The following WASF3 variants were observed in gnomAD, a reference collection of about 807,000 sequenced individuals.
The protein encoded by WASF3 is actin-binding protein WASF3.
WASF3 carries 11 observed loss-of-function variants against 46.6 expected under a neutral mutation model. The ratio of observed to expected loss-of-function variants is 0.24; its 90% confidence interval spans 0.15 to 0.39. WASF3 has a LOEUF of 0.39. Among genes scored for constraint, WASF3 ranks in the 10% least tolerant of loss-of-function variants. WASF3 has a pLI of 1.00. For synonymous variants in WASF3, 242 were observed against 259.7 expected, an observed-to-expected ratio of 0.93 and a Z score of 0.65; for missense variants, 576 against 669.8, an observed-to-expected ratio of 0.86 and a Z score of 1.55.
chr13:26,586,916 A>G (rs1422344405), intron 1 of WASF3, among the ~76,000 whole-genome samples: 1 of 151,948 alleles, frequency 6.6e-6, no homozygotes, highest in Non-Finnish European at 1.5e-5. Flanking sequence ...AGTCTGGTCA[A>G]CATGGCGAAA....
chr13:26,625,720 A>G (rs1320737852), intron 2 of WASF3, among the ~76,000 whole-genome samples: 16 of 152,222 alleles, frequency 1.1e-4, no homozygotes, highest in Admixed American at 1.0e-3. Context: ...ATAATGTTTC[A>G]GCAGCTCTGG....
chr13:26,649,899 GTC>G (rs1378413500), intron 3 of WASF3, among the ~76,000 whole-genome samples: 1 of 151,390 alleles, frequency 6.6e-6, no homozygotes, highest in Non-Finnish European at 1.5e-5. Context: ...GTGAAACCCC[GTC>G]TCTCTAAAAA....
At chr13:26,584,414 G>C (rs756651942) in intron 1 of WASF3, among the ~76,000 whole-genome samples, 23 of 152,204 alleles carry the variant, frequency 1.5e-4, no homozygotes, top group Non-Finnish European at 2.9e-4. Context: ...GCTATGCAGT[G>C]AACACAATTT....
chr13:26,659,113 T>C (rs1435397884), intron 3 of WASF3, among the ~76,000 whole-genome samples: 3 of 152,130 alleles, frequency 2.0e-5, no homozygotes, highest in Admixed American at 6.5e-5. Context: ...AGAGCAGGGA[T>C]AAGAGGGGTG....
chr13:26,611,440 G>A (rs1566050417), intron 1 of WASF3, among the ~76,000 whole-genome samples: 1 of 152,182 alleles, frequency 6.6e-6, no homozygotes, highest in East Asian at 1.9e-4. Context: ...CAAAGGAAGA[G>A]TTAACACGTG....
At position 26,645,179 on chromosome 13, in the gene WASF3, G is replaced by A. The variant is rs549130819; in HGVS notation, c.133+2776G>A. 3.9e-5 allele frequency among the ~76,000 whole-genome samples: 6 copies of A among 152,288 alleles called. No individual in the cohort carries two copies. In the South Asian group the frequency reaches 1.2e-3, roughly 32 times the overall value. ...GAGCTAGGATTTTGGGGAAGTAAGA[G>A]GTCATGAGGTGGAGTCCTCATCAAT... On this transcript the variant is annotated intron_variant, in intron 3 of 9. Coordinates refer to ENST00000335327, the MANE Select transcript of WASF3 (RefSeq NM_006646.6).
chr13:26,646,321 ATCAT>A (rs902218484), intron 3 of WASF3, among the ~76,000 whole-genome samples: 3 of 152,224 alleles, frequency 2.0e-5, no homozygotes, highest in Non-Finnish European at 2.9e-5. Flanking sequence ...AAATTTTGTA[ATCAT>A]TCATCAGGTA....
chr13:26,663,079 T>A (rs1199920431), intron 3 of WASF3, among the ~76,000 whole-genome samples: 2 of 152,100 alleles, frequency 1.3e-5, no homozygotes, highest in Non-Finnish European at 2.9e-5. Context: ...TGGGGCAAGA[T>A]GGCGGTGGGT....
At chr13:26,676,772 G>A in intron 7 of WASF3, 48 bp downstream of exon 7, 1 of 1,534,036 alleles carries the variant, frequency 6.5e-7, no homozygotes, top group Non-Finnish European at 8.8e-7. Flanking sequence ...GGGCAACTGG[G>A]TACTACCTGG....
At chr13:26,658,565 C>G (rs1882533927) in intron 3 of WASF3, among the ~76,000 whole-genome samples, 1 of 152,228 alleles carries the variant, frequency 6.6e-6, no homozygotes, top group Non-Finnish European at 1.5e-5. Flanking sequence ...CATGTTTAAT[C>G]CTTCTAGCTC....
chr13:26,539,985 TG>T, the WASF3 span, among the ~76,000 whole-genome samples: 4 of 152,190 alleles, frequency 2.6e-5, no homozygotes, highest in South Asian at 8.3e-4. Flanking sequence ...ACAGAGTGTC[TG>T]GGGGGTGTGA....
In WASF3 at chr13:26,560,736, G is replaced by A. The variant is rs574407894; in HGVS notation, c.-109+2917G>A. 1.4e-4 allele frequency among the ~76,000 whole-genome samples: 21 copies of A among 152,310 alleles called. No homozygotes were observed. The South Asian group carries it at 4.2e-3, about 30-fold the overall frequency. Reference sequence around the variant, plus strand: ...TGCTTTATTCATTCAGTACACTTCAGAGTTTTAATATGTGCCGGGGATACA... The same window carrying A: ...TGCTTTATTCATTCAGTACACTTCAAAGTTTTAATATGTGCCGGGGATACA... On this transcript the variant is annotated intron_variant, in intron 1 of 9. Coordinates refer to ENST00000335327, the MANE Select transcript of WASF3 (RefSeq NM_006646.6).
chr13:26,604,065 T>C (rs951558107), intron 1 of WASF3, among the ~76,000 whole-genome samples: 1 of 151,942 alleles, frequency 6.6e-6, no homozygotes, highest in Non-Finnish European at 1.5e-5. Context: ...ATAGAAGGAG[T>C]GGAGTTTGGA....
chr13:26,589,072 G>C (rs1204494082), intron 1 of WASF3, among the ~76,000 whole-genome samples: 1 of 152,132 alleles, frequency 6.6e-6, no homozygotes, highest in African/African-American at 2.4e-5. Context: ...GGGATTATAG[G>C]CACGAGCTAC....
chr13:26,671,926 C>T lies in WASF3; in HGVS notation c.477C>T (p.Asp159=), dbSNP rs751620649. Residue 159 remains aspartate (D), a synonymous_variant, in exon 6 of 10, where the codon GAC becomes GAT. Coordinates refer to ENST00000335327, the MANE Select transcript of WASF3 (RefSeq NM_006646.6). ...KFYTDPSYFF[D]LWKEKMLQDT... is the part of the protein sequence containing the mutation. ...ATACTGATCCTTCCTATTTCTTTGA[C>T]CTCTGGAAAGAAAAAATGCTACAGG... 16 of 1,610,690 alleles carry T rather than the reference C, an allele frequency of 9.9e-6. No homozygotes were observed. The Admixed American group carries it at 2.7e-4, about 27-fold the overall frequency.
At chr13:26,676,809 T>C in intron 7 of WASF3, 85 bp downstream of exon 7, 1 of 1,340,410 alleles carries the variant, frequency 7.5e-7, no homozygotes, top group South Asian at 1.6e-5. Flanking sequence ...AATGCATCAA[T>C]AGCTTCGGGG....
chr13:26,671,815 C>A, intron 5 of WASF3, 57 bp from the exon 6 acceptor site: 1 of 1,196,708 alleles, frequency 8.4e-7, no homozygotes, highest in Non-Finnish European at 1.2e-6. Context: ...CATTAACCTA[C>A]ATATAAAAGT....
intron 1 of WASF3, among the ~76,000 whole-genome samples, chr13:26,564,994 G>T (rs1168698644): frequency 4.3e-5 from 6 of 139,580 alleles, no homozygotes; most frequent in African/African-American, 1.6e-4. Context: ...TGGCTTTGCA[G>T]CTCTTTGCTG....
intron 2 of WASF3, among the ~76,000 whole-genome samples, chr13:26,621,407 G>A (rs763009618): frequency 6.6e-6 from 1 of 152,202 alleles, no homozygotes; most frequent in Non-Finnish European, 1.5e-5. Context: ...GTATGCCAGA[G>A]CTGGAGGGAA....
Sources: gnomAD v4.1 joint callset for allele counts (sites outside exome capture counted in the v4.1 genomes callset) on GRCh38, gnomAD v4.1.1 for gene constraint, MANE v1.5 for transcripts, NCBI Gene and HGNC (gene_info 2026-07-23, HGNC 2026-07-21) for gene names.